The following THTPA variants were observed in gnomAD, a reference collection of about 807,000 sequenced individuals.
THTPA encodes thiamine triphosphatase.
A neutral mutation model predicts 16.5 loss-of-function variants in THTPA; 16 were observed. That is an observed-to-expected ratio of 0.97 (90% CI 0.66 to 1.47). The LOEUF (loss-of-function observed/expected upper bound fraction) is 1.47. THTPA is among the 40% of genes most tolerant of loss of function. THTPA has a pLI of 0.00. For missense variants in THTPA, 281 were observed against 280.9 expected, an observed-to-expected ratio of 1.00 and a Z score of 0.00; for synonymous variants, 110 against 115.5, an observed-to-expected ratio of 0.95 and a Z score of 0.30.
the THTPA span, chr14:23,522,649 C>G: frequency 9.1e-6 from 14 of 1,536,090 alleles, no homozygotes; most frequent in Admixed American, 5.9e-5. Flanking sequence ...AGGGCAGGAA[C>G]TGGCCCCCCA....
the THTPA span, chr14:23,525,118 T>A: frequency 6.5e-7 from 1 of 1,536,178 alleles, no homozygotes; most frequent in Non-Finnish European, 8.7e-7. The surrounding 1 kb of genome is among the most constrained non-coding windows in gnomAD (Gnocchi z 5.9). Context: ...ACTGCAGGGC[T>A]TGGGTCTGGA....
At chr14:23,513,432 C>T in the THTPA span, 57 of 152,692 alleles carry the variant, frequency 3.7e-4, 1 homozygote, top group East Asian at 7.7e-4. Context: ...TGTACATGTA[C>T]GCATAAGCGT....
chr14:23,532,519 C>T, the THTPA span: 1 of 1,425,490 alleles, frequency 7.0e-7, no homozygotes, highest in Non-Finnish European at 9.1e-7. Flanking sequence ...CTCCCTCTGT[C>T]CCCATTCCCT....
chr14:23,519,516 C>T, the THTPA span, among the ~76,000 whole-genome samples: 29 of 152,188 alleles, frequency 1.9e-4, no homozygotes, highest in Admixed American at 3.9e-4. Flanking sequence ...GCACAAGACC[C>T]GGTGGCCAGT....
chr14:23,529,178 C>A, the THTPA span, among the ~76,000 whole-genome samples: 1 of 152,202 alleles, frequency 6.6e-6, no homozygotes, highest in South Asian at 2.1e-4. Flanking sequence ...AGCTGCCATT[C>A]CTGGGTGCTG....
the THTPA span, chr14:23,533,526 C>T: frequency 1.3e-6 from 2 of 1,536,110 alleles, no homozygotes; most frequent in Non-Finnish European, 1.7e-6. The surrounding 1 kb of genome is among the most constrained non-coding windows in gnomAD (Gnocchi z 4.8). Context: ...GCCCCTGGTG[C>T]AGCATTAGGA....
At chr14:23,531,741 C>A in the THTPA span, 1 of 1,319,464 alleles carries the variant, frequency 7.6e-7, no homozygotes, top group Non-Finnish European at 9.7e-7. Flanking sequence ...TGGGAAGAGG[C>A]TGGCTCAGGC....
At chr14:23,550,492 C>T in the THTPA span, among the ~76,000 whole-genome samples, 1 of 152,134 alleles carries the variant, frequency 6.6e-6, no homozygotes, top group East Asian at 1.9e-4. Flanking sequence ...TGGGAAGGGT[C>T]ACAAGTGGAG....
At chr14:23,524,533 T>C in the THTPA span, 8 of 1,526,034 alleles carry the variant, frequency 5.2e-6, no homozygotes, top group South Asian at 2.4e-5. The surrounding 1 kb of genome is among the most constrained non-coding windows in gnomAD (Gnocchi z 5.6). Context: ...GATCTAGGAG[T>C]TGGGGGGGAG....
At chr14:23,529,659 C>G in the THTPA span, 1 of 1,475,164 alleles carries the variant, frequency 6.8e-7, no homozygotes, top group Non-Finnish European at 9.2e-7. Flanking sequence ...GAGCAGATCT[C>G]AGTAAAGCCA....
chr14:23,524,031 C>A, the THTPA span: 1 of 1,514,294 alleles, frequency 6.6e-7, no homozygotes, highest in Non-Finnish European at 8.8e-7. The surrounding 1 kb of genome is among the most constrained non-coding windows in gnomAD (Gnocchi z 5.6). Context: ...GCAAGCGTGG[C>A]AGTGGGGTAG....
At chr14:23,553,841 C>T (rs568193185), upstream of THTPA, among the ~76,000 whole-genome samples, 8 of 152,062 alleles carry the variant, frequency 5.3e-5, no homozygotes, top group Non-Finnish European at 8.8e-5. Flanking sequence ...TTGCAGTGAG[C>T]CGAGATGGCG....
chr14:23,533,845 C>T, the THTPA span: 37 of 1,539,328 alleles, frequency 2.4e-5, no homozygotes, highest in Middle Eastern at 3.3e-4. This position sits in a 1 kb window ranked among gnomAD's most constrained non-coding sequence, Gnocchi z 4.8. Flanking sequence ...ACGAGCAAGG[C>T]GGGGGTGGGC....
At chr14:23,557,373 C>A (rs1415740256) in intron 1 of THTPA, 69 bp downstream of exon 1, 11 of 1,446,948 alleles carry the variant, frequency 7.6e-6, no homozygotes, top group Admixed American at 2.7e-5. Flanking sequence ...ACCTGCTGGA[C>A]CATGCAGTGG....
the THTPA span, chr14:23,527,674 G>A: frequency 3.9e-6 from 6 of 1,536,210 alleles, no homozygotes; most frequent in East Asian, 1.2e-4. Context: ...GTGCAGGGCA[G>A]GCCGGCCCAC....
chr14:23,555,438 G>GTACC (rs1882283261), upstream of THTPA, among the ~76,000 whole-genome samples: 1 of 152,118 alleles, frequency 6.6e-6, no homozygotes, highest in South Asian at 2.1e-4. Context: ...TTCTCCTTAC[G>GTACC]TACCACCCAG....
chr14:23,534,899 G>A, the THTPA span: 5 of 1,536,142 alleles, frequency 3.3e-6, no homozygotes, highest in South Asian at 5.9e-5. The surrounding 1 kb of genome is among the most constrained non-coding windows in gnomAD (Gnocchi z 4.5). Flanking sequence ...TCACCCCAGG[G>A]GAAGCCCTTT....
At chr14:23,524,630 C>T in the THTPA span, 1 of 1,536,352 alleles carries the variant, frequency 6.5e-7, no homozygotes, top group South Asian at 1.2e-5. This position sits in a 1 kb window ranked among gnomAD's most constrained non-coding sequence, Gnocchi z 5.6. Context: ...ACACTGGTCA[C>T]AGGTATGGGC....
At chr14:23,525,195 A>G in the THTPA span, 1 of 1,536,046 alleles carries the variant, frequency 6.5e-7, no homozygotes, top group Non-Finnish European at 8.7e-7. This position sits in a 1 kb window ranked among gnomAD's most constrained non-coding sequence, Gnocchi z 5.9. Context: ...TTCCCTCTGG[A>G]GCTTTCTTCC....
Sources: allele counts gnomAD v4.1 joint callset (sites outside exome capture counted in the v4.1 genomes callset), GRCh38; gene constraint gnomAD v4.1.1; non-coding constraint Gnocchi (gnomAD v3.1); transcripts MANE v1.5; gene names NCBI Gene and HGNC (gene_info 2026-07-23, HGNC 2026-07-21).